NCAM2: variants seen among roughly 807,000 people sequenced by gnomAD.
NCAM2 encodes the protein N-CAM-2.
A neutral mutation model predicts 98.1 loss-of-function variants in NCAM2; 30 were observed. The ratio of observed to expected loss-of-function variants is 0.31; its 90% CI spans 0.23 to 0.41. NCAM2 has a LOEUF of 0.41. NCAM2 is among the 10% of genes least tolerant of loss of function. NCAM2 has a pLI of 1.00. For synonymous variants in NCAM2, 368 were observed against 342.4 expected, an observed-to-expected ratio of 1.07 and a Z score of -0.83; for missense variants, 867 against 1,005.8, an observed-to-expected ratio of 0.86 and a Z score of 1.87.
chr21:21,005,915 AT>A (rs2064104823), intron 1 of NCAM2, among the ~76,000 whole-genome samples: 1 of 152,106 alleles, frequency 6.6e-6, no homozygotes, highest in South Asian at 2.1e-4. Flanking sequence ...AAAAGAACTA[AT>A]ATTTTTGAGC....
At chr21:21,049,270 C>T (rs892147572) in intron 1 of NCAM2, among the ~76,000 whole-genome samples, 12 of 151,686 alleles carry the variant, frequency 7.9e-5, no homozygotes, top group East Asian at 7.7e-4. Flanking sequence ...CCACCCGCCT[C>T]GGCCTCGCAT....
chr21:21,185,262 G>A (rs1293511580), intron 1 of NCAM2, among the ~76,000 whole-genome samples: 1 of 152,020 alleles, frequency 6.6e-6, no homozygotes, highest in Non-Finnish European at 1.5e-5. Context: ...TCCATATGTT[G>A]TAGATGTCAT....
chr21:21,098,158 A>G (rs971496746), intron 1 of NCAM2, among the ~76,000 whole-genome samples: 3 of 150,320 alleles, frequency 2.0e-5, no homozygotes, highest in Non-Finnish European at 4.5e-5. Flanking sequence ...GTTTTAAACT[A>G]TTGTTAGTTA....
At chr21:21,419,884 G>A (rs192364959) in intron 11 of NCAM2, among the ~76,000 whole-genome samples, 349 of 152,038 alleles carry the variant, frequency 2.3e-3, no homozygotes, top group Middle Eastern at 6.8e-3. Context: ...CCAGTAATGG[G>A]ATGGCTGGGT....
At chr21:21,247,706 T>A (rs1016529373) in intron 1 of NCAM2, among the ~76,000 whole-genome samples, 2 of 152,220 alleles carry the variant, frequency 1.3e-5, no homozygotes, top group African/African-American at 2.4e-5. Flanking sequence ...GTATGAAGAA[T>A]GCACACTTGT....
chr21:21,204,180 C>G (rs2069347030), intron 1 of NCAM2, among the ~76,000 whole-genome samples: 1 of 152,076 alleles, frequency 6.6e-6, no homozygotes, highest in South Asian at 2.1e-4. Flanking sequence ...GTGATTCTAC[C>G]TTTATCTCCC....
At chr21:21,230,609 C>G (rs974402743) in intron 1 of NCAM2, among the ~76,000 whole-genome samples, 1 of 151,228 alleles carries the variant, frequency 6.6e-6, no homozygotes, top group East Asian at 1.9e-4. Context: ...AATATCAAGT[C>G]TGTCTCATTC....
intron 15 of NCAM2, among the ~76,000 whole-genome samples, chr21:21,501,851 A>G (rs1987657944): frequency 6.6e-6 from 1 of 151,992 alleles, no homozygotes; most frequent in Non-Finnish European, 1.5e-5. Flanking sequence ...AAAAATTACA[A>G]TCATAGTTTT....
intron 5 of NCAM2, among the ~76,000 whole-genome samples, chr21:21,305,289 G>A (rs1227419047): frequency 6.6e-6 from 1 of 152,126 alleles, no homozygotes; most frequent in Non-Finnish European, 1.5e-5. Flanking sequence ...ATGCACTCCA[G>A]CCTGGGCGAT....
chr21:21,436,728 C>A (rs1978380340), intron 12 of NCAM2, among the ~76,000 whole-genome samples: 1 of 151,468 alleles, frequency 6.6e-6, no homozygotes, highest in African/African-American at 2.4e-5. Context: ...TTATACATCC[C>A]CTTCCAATAA....
At chr21:21,385,799 T>C (rs1035685824) in intron 9 of NCAM2, 45 of 279,376 alleles carry the variant, frequency 1.6e-4, no homozygotes, top group Non-Finnish European at 2.1e-4. Flanking sequence ...TTAAGTTTTG[T>C]GACTAGGTAA....
intron 12 of NCAM2, among the ~76,000 whole-genome samples, chr21:21,432,605 GT>G (rs1159999394): frequency 2.0e-5 from 3 of 151,018 alleles, no homozygotes; most frequent in Non-Finnish European, 4.4e-5. Context: ...GTATGCTCAT[GT>G]TTCATTTATT....
At chr21:21,446,708 G>A (rs182273967) in intron 12 of NCAM2, among the ~76,000 whole-genome samples, 22 of 152,058 alleles carry the variant, frequency 1.4e-4, no homozygotes, top group African/African-American at 5.1e-4. Context: ...CAGACTCTGA[G>A]GATAAAAAAT....
At chr21:21,161,380 G>A (rs186402322) in intron 1 of NCAM2, among the ~76,000 whole-genome samples, 1,774 of 151,568 alleles carry the variant, frequency 0.012, 27 homozygotes, top group Non-Finnish European at 0.02. Flanking sequence ...CAATAAACAC[G>A]AACTGTTTAC....
At position 21,294,752 on chromosome 21, in the gene NCAM2, T is replaced by A. The variant is rs897434376; in HGVS notation, c.619+2511T>A. On this transcript the variant is annotated intron_variant, in intron 5 of 17. Coordinates refer to ENST00000400546, the MANE Select transcript of NCAM2 (RefSeq NM_004540.5). ...CACATTTTGCCTTAAGACAGAAAAA[T>A]CATTTTACTCCAGTCTTATTGACTT... 4.0e-5 allele frequency among the ~76,000 whole-genome samples: 6 copies of A among 151,770 alleles called. 1 individual carries two copies. In the South Asian group the frequency reaches 1.2e-3, roughly 31 times the overall value.
intron 1 of NCAM2, among the ~76,000 whole-genome samples, chr21:21,266,695 G>A (rs1370944680): frequency 3.3e-5 from 5 of 151,934 alleles, no homozygotes; most frequent in African/African-American, 9.7e-5. Flanking sequence ...CACAGCAAGG[G>A]GAACATCACA....
chr21:21,173,818 G>A (rs189168613), intron 1 of NCAM2, among the ~76,000 whole-genome samples: 16 of 152,280 alleles, frequency 1.1e-4, no homozygotes, highest in Non-Finnish European at 2.2e-4. Flanking sequence ...GATGAAAATT[G>A]AGGCTACAGC....
At chr21:21,104,162 T>G (rs2066297762) in intron 1 of NCAM2, among the ~76,000 whole-genome samples, 1 of 152,150 alleles carries the variant, frequency 6.6e-6, no homozygotes, top group Non-Finnish European at 1.5e-5. Context: ...CAAAATAGTT[T>G]TATAAAGTTT....
intron 1 of NCAM2, among the ~76,000 whole-genome samples, chr21:21,265,285 G>A (rs1307358867): frequency 1.6e-5 from 2 of 127,026 alleles, no homozygotes; most frequent in Admixed American, 8.4e-5. Flanking sequence ...GTACACATAT[G>A]TGTGTATATA....
Sources: gnomAD v4.1 joint callset for allele counts (sites outside exome capture counted in the v4.1 genomes callset) on GRCh38, gnomAD v4.1.1 for gene constraint, MANE v1.5 for transcripts, NCBI Gene and HGNC (gene_info 2026-07-23, HGNC 2026-07-21) for gene names.